Variants in ADCY7 observed in about 807,000 individuals in gnomAD.
ADCY7 encodes the protein adenylate cyclase 7, also known as adenylate cyclase type 7.
ADCY7 carries 72 observed loss-of-function variants against 120.6 expected under a neutral mutation model. That is an observed-to-expected ratio of 0.60 (90% CI 0.49 to 0.73). The LOEUF (loss-of-function observed/expected upper bound fraction) is 0.73, where lower values mean the gene tolerates loss of function less well. ADCY7 is among the 30% of genes least tolerant of loss of function. The pLI is 0.00. For missense variants in ADCY7, 1,227 were observed against 1,486.0 expected (o/e 0.83, Z 2.87); for synonymous variants, 661 against 628.0 (o/e 1.05, Z -0.78).
rs1186771599 is a variant in ADCY7, at chr16:50,281,355, G to A, written c.-268-6557G>A. Among the ~76,000 whole-genome samples, 3 of 151,802 alleles carry A rather than the reference G, an allele frequency of 2.0e-5. No homozygotes were observed. In the Admixed American group the frequency reaches 2.0e-4, roughly 10 times the overall value. The stretch of plus-strand genomic sequence containing the variant: ...GCAGGCATCCTCCCAGAGGCCAAGC[G>A]TAGCTGGGAGAGGTGTGCTGTGGCA... On this transcript the variant is annotated intron_variant, in intron 1 of 25. Transcript: ENST00000673801.
At chr16:50,294,884 A>C in intron 7 of ADCY7, 133 bp downstream of exon 7, 1 of 629,336 alleles carries the variant, frequency 1.6e-6, no homozygotes, top group East Asian at 2.9e-5. Context: ...TCCAGCCAGC[A>C]AACACAAGCG....
At chr16:50,314,467 T>TGG in intron 24 of ADCY7, 61 bp downstream of exon 24, 7 of 1,275,008 alleles carry the variant, frequency 5.5e-6, no homozygotes, top group East Asian at 2.3e-5. Context: ...CCACCCAGTC[T>TGG]GTGTGGCACA....
At chr16:50,285,617 C>A (rs905261056) in intron 1 of ADCY7, among the ~76,000 whole-genome samples, 1 of 152,336 alleles carries the variant, frequency 6.6e-6, no homozygotes, top group East Asian at 1.9e-4. Context: ...TCCCGTGTCT[C>A]ACAGCCTCCC....
chr16:50,293,399 A>C lies in ADCY7; in HGVS notation c.733A>C (p.Met245Leu), dbSNP rs763192404. Residue 245 changes from methionine (M) to leucine (L), a missense_variant, in exon 6 of 26, where the codon ATG becomes CTG. Physicochemically the swap from Met to Leu is conservative, Grantham distance 15. Around this residue, in one of 5 missense-constraint regions of ADCY7, gnomAD observed 382 missense variants for 411.4 expected, o/e 0.93. Transcript: ENST00000673801. ...GCTTCCGGCCCACATCTCCATGGGC[A>C]TGAAGCTGGCCATCATCGAACGGCT... Reference protein sequence around the residue: ...SVLPAHISMGMKLAIIERLKE... With the variant: ...SVLPAHISMGLKLAIIERLKE... The C allele has an allele frequency of 1.9e-6, 3 of 1,613,898 alleles. No individual in the cohort carries two copies. The highest frequency in any genetic ancestry group is 2.5e-6 in the Non-Finnish European group (3 of 1,179,982).
chr16:50,269,032 C>T (rs1017736529), intron 1 of ADCY7, among the ~76,000 whole-genome samples: 2 of 152,194 alleles, frequency 1.3e-5, no homozygotes, highest in African/African-American at 4.8e-5. Context: ...CGGAATGAGA[C>T]CCTGTCTCAA....
intron 1 of ADCY7, among the ~76,000 whole-genome samples, chr16:50,267,390 C>T (rs112684995): frequency 0.019 from 2,907 of 152,314 alleles, 98 homozygotes; most frequent in African/African-American, 0.066. Context: ...CTGGGGGCTT[C>T]CTCCCTGGAC....
chr16:50,253,234 C>T (rs1318435547), intron 1 of ADCY7, among the ~76,000 whole-genome samples: 7 of 152,116 alleles, frequency 4.6e-5, no homozygotes, highest in Non-Finnish European at 7.4e-5. Context: ...TAAATTAAAA[C>T]GAGTCCATTT....
In ADCY7 at chr16:50,314,074, C is replaced by G; in HGVS notation, c.2856+12C>G. ...GGCACGAGAACCAGGTACTCAAGCC[C>G]AAGAGGTGAAATTCAGCTGACTGTC... On this transcript the variant is annotated intron_variant, in intron 23 of 25. Coordinates refer to ENST00000673801, the MANE Select transcript of ADCY7 (RefSeq NM_001114.5). 4 of 1,611,636 alleles carry G rather than the reference C, an allele frequency of 2.5e-6. No individual in the cohort carries two copies. Among genetic ancestry groups the G allele is most frequent in the Non-Finnish European group, 3.4e-6 (4 of 1,177,978 alleles).
At chr16:50,276,360 A>T (rs1241573732) in intron 1 of ADCY7, among the ~76,000 whole-genome samples, 1 of 152,200 alleles carries the variant, frequency 6.6e-6, no homozygotes, top group Non-Finnish European at 1.5e-5. Context: ...GGGTGGGGAC[A>T]GGTGCCGGGC....
chr16:50,303,398 G>T (rs1338372850), intron 10 of ADCY7, among the ~76,000 whole-genome samples: 1 of 152,226 alleles, frequency 6.6e-6, no homozygotes, highest in Non-Finnish European at 1.5e-5. Flanking sequence ...TAGCTGTGGA[G>T]GCTTGTCCAT....
At chr16:50,311,520 G>A (rs1010013072) in intron 19 of ADCY7, among the ~76,000 whole-genome samples, 173 bp from the exon 20 acceptor site, 1 of 151,424 alleles carries the variant, frequency 6.6e-6, no homozygotes, top group Admixed American at 6.6e-5. Flanking sequence ...CCATCTCCCT[G>A]CCCACCTCTC....
chr16:50,313,091 A>G (rs1468708300), intron 22 of ADCY7, 55 bp downstream of exon 22: 29 of 1,603,080 alleles, frequency 1.8e-5, no homozygotes, highest in Non-Finnish European at 2.3e-5. Context: ...TGGAGAGGGA[A>G]GGGCGGTGGC....
At chr16:50,253,744 GC>G (rs954786273) in intron 1 of ADCY7, among the ~76,000 whole-genome samples, 26 of 152,132 alleles carry the variant, frequency 1.7e-4, no homozygotes, top group Admixed American at 1.6e-3. Context: ...TAATGACGCC[GC>G]CCAGGCTGGC....
intron 1 of ADCY7, among the ~76,000 whole-genome samples, chr16:50,270,222 GATAGAT>G (rs1207065778): frequency 6.6e-6 from 1 of 150,784 alleles, no homozygotes; most frequent in Non-Finnish European, 1.5e-5. Context: ...TAGATAGATA[GATAGAT>G]AAACAGATAG....
At chr16:50,259,861 C>T (rs903628098) in intron 1 of ADCY7, among the ~76,000 whole-genome samples, 2 of 152,222 alleles carry the variant, frequency 1.3e-5, no homozygotes, top group African/African-American at 4.8e-5. Flanking sequence ...ATGTTCCTAG[C>T]CTGCACAGGA....
In ADCY7 at chr16:50,307,062, C is replaced by T. The variant is rs779130883; in HGVS notation, c.1765C>T (p.Pro589Ser). 3.1e-6 allele frequency: 5 copies of T among 1,608,208 alleles called. No homozygotes were observed. Among genetic ancestry groups the T allele is most frequent in the Non-Finnish European group, 4.2e-6 (5 of 1,179,824 alleles). Residue 589 changes from proline (P) to serine (S), a missense_variant, in exon 15 of 26, where the codon CCC (proline) becomes TCC (serine). Pro to Ser is a moderately conservative substitution (Grantham distance 74, BLOSUM62 -1). This residue lies in a region of ADCY7 where 332 missense variants were observed against 455.8 expected (regional missense o/e 0.73). Coordinates refer to ENST00000673801, the MANE Select transcript of ADCY7 (RefSeq NM_001114.5). ...CTGCTGCCCCCAGTACCGCCTGGCA[C>T]CCATCCCCCGGGCCCGCCACGACTT... ...KGFEREYRLAPIPRARHDFAC... is the reference protein window; with the variant it reads ...KGFEREYRLASIPRARHDFAC...
chr16:50,249,516 G>A (rs146043284), intron 1 of ADCY7, among the ~76,000 whole-genome samples: 1 of 152,280 alleles, frequency 6.6e-6, no homozygotes, highest in African/African-American at 2.4e-5. Flanking sequence ...TGACCTCATG[G>A]GTTCCCCCTG....
rs145233363 is a variant in ADCY7 at position 50,249,794 on chromosome 16, A to C, written c.-64+3591A>C. On this transcript the variant is annotated intron_variant, in intron 1 of 4. Coordinates refer to the ADCY7 transcript ENST00000564044. ...TGGGCATCTGGCCAGGGCCATTGCC[A>C]GGTGTGGGGAGCGGGCAGCCTGCGG... is the stretch of plus-strand genomic sequence containing the variant. Among the ~76,000 whole-genome samples, 1,295 of 152,306 alleles carry C rather than the reference A, an allele frequency of 8.5e-3. 18 individuals are homozygous for C. The highest frequency in any genetic ancestry group is 0.028 in the South Asian group (136 of 4,824).
intron 1 of ADCY7, among the ~76,000 whole-genome samples, chr16:50,273,536 G>C (rs915399073): frequency 1.3e-5 from 2 of 152,206 alleles, no homozygotes; most frequent in Admixed American, 1.3e-4. Context: ...ATGGGGGTCT[G>C]GTGGCACCAA....
Sources: allele counts gnomAD v4.1 joint callset (sites outside exome capture counted in the v4.1 genomes callset), GRCh38; gene constraint gnomAD v4.1.1; regional missense constraint gnomAD v4.1.1; transcripts MANE v1.5; gene names NCBI Gene and HGNC (gene_info 2026-07-23, HGNC 2026-07-21).